The following CASZ1 variants were observed in gnomAD, a reference collection of about 807,000 sequenced individuals.
CASZ1 encodes castor zinc finger 1, also known as zinc finger protein castor homolog 1.
CASZ1 carries 28 observed loss-of-function variants against 135.2 expected under a neutral mutation model. The ratio of observed to expected loss-of-function variants is 0.21; its 90% CI spans 0.15 to 0.28. The LOEUF is 0.28. Ranked by LOEUF, CASZ1 falls within the 10% of genes least tolerant of loss-of-function variation. The probability of loss-of-function intolerance (pLI) is 1.00; values close to 1 mark genes in which losing one functional copy is unlikely to be tolerated. For synonymous variants in CASZ1, 1,068 were observed against 1,073.4 expected, an observed-to-expected ratio of 0.99 and a Z score of 0.10; for missense variants, 2,161 against 2,453.3, an observed-to-expected ratio of 0.88 and a Z score of 2.52.
At chr1:10,769,673 C>T (rs1640539939) in intron 1 of CASZ1, among the ~76,000 whole-genome samples, 1 of 152,106 alleles carries the variant, frequency 6.6e-6, no homozygotes, top group Admixed American at 6.6e-5. Context: ...CGCACCACCA[C>T]ACCCGGCTAA....
intron 2 of CASZ1, among the ~76,000 whole-genome samples, chr1:10,754,564 C>A (rs1450639058): frequency 1.3e-5 from 2 of 152,190 alleles, no homozygotes; most frequent in Non-Finnish European, 2.9e-5. Context: ...AGTCCTGCCC[C>A]CTAAACCAGG....
In CASZ1 at chr1:10,679,643, C is replaced by T. The variant is rs1450129811; in HGVS notation, c.17-14072G>A. Among the ~76,000 whole-genome samples, 2 of 152,166 alleles carry T rather than the reference C, an allele frequency of 1.3e-5. No homozygotes were observed. The highest frequency in any genetic ancestry group is 2.4e-5 in the African/African-American group (1 of 41,432). Reference sequence around the variant, plus strand: ...AGTGGGTGGTGGGTCTGGGCTCTGTCCACATCCTGTGCCTGCACGGGCACC... The same window carrying T: ...AGTGGGTGGTGGGTCTGGGCTCTGTTCACATCCTGTGCCTGCACGGGCACC... On this transcript the variant is annotated intron_variant, in intron 4 of 20. Transcript: ENST00000377022. The surrounding 1 kb of genome is among the most constrained non-coding windows in gnomAD (Gnocchi z 4.7).
chr1:10,705,184 C>T (rs960166052), intron 3 of CASZ1, among the ~76,000 whole-genome samples: 1 of 152,252 alleles, frequency 6.6e-6, no homozygotes, highest in South Asian at 2.1e-4. Flanking sequence ...GTAACCTGAG[C>T]CCAGCCACCA....
At chr1:10,783,052 G>C (rs1269824793) in intron 1 of CASZ1, among the ~76,000 whole-genome samples, 1 of 152,092 alleles carries the variant, frequency 6.6e-6, no homozygotes, top group Non-Finnish European at 1.5e-5. Flanking sequence ...ACAATGCAGG[G>C]GACTTTTCAG....
chr1:10,716,275 AC>A (rs1232118065), intron 2 of CASZ1, among the ~76,000 whole-genome samples: 1 of 151,076 alleles, frequency 6.6e-6, no homozygotes, highest in Non-Finnish European at 1.5e-5. Flanking sequence ...ACCCCACAGC[AC>A]CCAATCCACA....
rs578047797 is a variant in CASZ1, at chr1:10,739,172, C to A, written c.-77+21529G>T. Among the ~76,000 whole-genome samples, 70 of 152,236 alleles carry A rather than the reference C, an allele frequency of 4.6e-4. No individual in the cohort carries two copies. Among genetic ancestry groups the A allele is most frequent in the Non-Finnish European group, 8.7e-4 (59 of 68,000 alleles). On this transcript the variant is annotated intron_variant, in intron 2 of 20. Coordinates refer to ENST00000377022, the MANE Select transcript of CASZ1 (RefSeq NM_001079843.3). This position sits in a 1 kb window ranked among gnomAD's most constrained non-coding sequence, Gnocchi z 4.8. ...AGGCATCTTGTGGAGGGTGGCTGCTCTTTTCAGGCCGGCGGCCAGTCCCCG... is the reference window on the plus strand; with the variant it reads ...AGGCATCTTGTGGAGGGTGGCTGCTATTTTCAGGCCGGCGGCCAGTCCCCG...
At chr1:10,667,132 C>T (rs775015593) in intron 4 of CASZ1, among the ~76,000 whole-genome samples, 7 of 152,216 alleles carry the variant, frequency 4.6e-5, no homozygotes, top group Non-Finnish European at 8.8e-5. Flanking sequence ...CCTACCCAGG[C>T]GGGAATGGCA....
At chr1:10,691,148 TC>T (rs1229857127) in intron 4 of CASZ1, among the ~76,000 whole-genome samples, 2 of 142,054 alleles carry the variant, frequency 1.4e-5, no homozygotes, top group African/African-American at 5.1e-5. Context: ...TCCCAAACTC[TC>T]CTAATCTTCC....
intron 1 of CASZ1, among the ~76,000 whole-genome samples, chr1:10,763,879 T>C (rs1264799264): frequency 6.6e-6 from 1 of 152,172 alleles, no homozygotes; most frequent in African/African-American, 2.4e-5. Context: ...GTTTTCTTTT[T>C]TGAGATGGAG....
At chr1:10,658,709 G>C in intron 6 of CASZ1, 133 bp from the exon 7 acceptor site, 2 of 755,352 alleles carry the variant, frequency 2.6e-6, no homozygotes, top group Middle Eastern at 3.1e-4. Flanking sequence ...AGGCACCCAC[G>C]GTGGGACTGA....
Position 10,650,921 on chromosome 1 carries a change from C to T in CASZ1, c.2816+20G>A. Reference sequence around the variant, plus strand: ...AGGTGTGGTTCCCGGGGCTGGCTCCCATAGGGGGCCTCGCCTCACCTGGGC... The same window carrying T: ...AGGTGTGGTTCCCGGGGCTGGCTCCTATAGGGGGCCTCGCCTCACCTGGGC... On this transcript the variant is annotated intron_variant, in intron 12 of 20. Coordinates refer to ENST00000377022, the MANE Select transcript of CASZ1 (RefSeq NM_001079843.3). 2 of 1,606,848 alleles carry T rather than the reference C, an allele frequency of 1.2e-6. No homozygotes were observed. The highest frequency in any genetic ancestry group is 1.3e-5 in the African/African-American group (1 of 74,502).
intron 2 of CASZ1, among the ~76,000 whole-genome samples, chr1:10,743,400 G>C (rs1197249967): frequency 1.4e-5 from 2 of 139,944 alleles, no homozygotes; most frequent in African/African-American, 2.5e-5. Context: ...TTCATGGGGA[G>C]AAAGGGCTCA....
At position 10,665,402 on chromosome 1, in the gene CASZ1, C is replaced by A; in HGVS notation, c.186G>T (p.Arg62=). 1 of 1,612,928 alleles carries A rather than the reference C, an allele frequency of 6.2e-7. No individual in the cohort carries two copies. The highest frequency in any genetic ancestry group is 8.5e-7 in the Non-Finnish European group (1 of 1,179,632). The stretch of plus-strand genomic sequence containing the variant: ...ACTCAGGGCCACTGCGCTCTTGGTC[C>A]CGGGGCTGCGATGGGCTGCCCTCCG... The part of the protein sequence containing the change: ...SHTEGSPSQP[R]DQERSGPESG... The change falls in exon 5 of 21, where the codon CGG becomes CGT. Residue 62 remains arginine, a synonymous_variant. Coordinates refer to ENST00000377022, the MANE Select transcript of CASZ1 (RefSeq NM_001079843.3).
rs369023656 is a variant in CASZ1 at position 10,638,856 on chromosome 1, G to A, written c.*86C>T. 3 of 978,488 alleles carry A rather than the reference G, an allele frequency of 3.1e-6. No homozygotes were observed. The allele number at this position is 978,488 out of a possible 1,614,324, so 60.6% of individuals were successfully genotyped here. Reference sequence around the variant, plus strand: ...TCCGGAAGCACCGGCGGGGCGCGGGGCTCTGCCCAGGGGCCGCTTCGCGCG... The same window carrying A: ...TCCGGAAGCACCGGCGGGGCGCGGGACTCTGCCCAGGGGCCGCTTCGCGCG... On this transcript the variant is annotated 3_prime_UTR_variant, in exon 21 of 21. Coordinates refer to ENST00000377022, the MANE Select transcript of CASZ1 (RefSeq NM_001079843.3). The surrounding 1 kb of genome is among the most constrained non-coding windows in gnomAD (Gnocchi z 5.9).
At position 10,777,386 on chromosome 1, in the gene CASZ1, C is replaced by T. The variant is rs1177137733; in HGVS notation, c.-233-16529G>A. Among the ~76,000 whole-genome samples, 1 of 152,138 alleles carries T rather than the reference C, an allele frequency of 6.6e-6. No individual in the cohort carries two copies. The highest frequency in any genetic ancestry group is 1.5e-5 in the Non-Finnish European group (1 of 68,030). ...CCCTTCACCCACAAGCCTCCTTTCTCTTATTGGTCAAACCACCGCATCATT... is the reference window on the plus strand; with the variant it reads ...CCCTTCACCCACAAGCCTCCTTTCTTTTATTGGTCAAACCACCGCATCATT... On this transcript the variant is annotated intron_variant, in intron 1 of 20. Coordinates refer to ENST00000377022, the MANE Select transcript of CASZ1 (RefSeq NM_001079843.3). This position sits in a 1 kb window ranked among gnomAD's most constrained non-coding sequence, Gnocchi z 4.4.
intron 4 of CASZ1, among the ~76,000 whole-genome samples, chr1:10,674,913 G>A (rs1261608676): frequency 6.6e-6 from 1 of 152,184 alleles, no homozygotes; most frequent in East Asian, 1.9e-4. Context: ...ATGGGTCCCT[G>A]GGCCCTCTGT....
intron 4 of CASZ1, among the ~76,000 whole-genome samples, chr1:10,688,594 T>G (rs1331951791): frequency 6.6e-6 from 1 of 152,162 alleles, no homozygotes; most frequent in Non-Finnish European, 1.5e-5. Context: ...CTCCCTCCAC[T>G]AGGCAGACGC....
At chr1:10,693,755 CGACCCTCCCG>C in intron 4 of CASZ1, 109 bp downstream of exon 4, 17 of 762,122 alleles carry the variant, frequency 2.2e-5, no homozygotes, top group Non-Finnish European at 1.9e-5. Context: ...GGCAGCCGCC[CGACCCTCCCG>C]GCCCCCACCC....
At chr1:10,792,259 C>T (rs1329916162) in intron 1 of CASZ1, among the ~76,000 whole-genome samples, 3 of 127,728 alleles carry the variant, frequency 2.3e-5, no homozygotes, top group Non-Finnish European at 4.7e-5. Context: ...TAGCATTGAA[C>T]CTTCTGGCCA....
Sources: gnomAD v4.1 joint callset for allele counts (sites outside exome capture counted in the v4.1 genomes callset) on GRCh38, gnomAD v4.1.1 for gene constraint, Gnocchi (gnomAD v3.1) non-coding constraint, MANE v1.5 for transcripts, NCBI Gene and HGNC (gene_info 2026-07-23, HGNC 2026-07-21) for gene names.